CLUAP1: variants seen among roughly 807,000 people sequenced by gnomAD.
CLUAP1 encodes clusterin-associated protein 1.
Under a neutral mutation model 55.0 loss-of-function variants are expected in CLUAP1, and 50 were observed. That is an observed-to-expected ratio of 0.91 (90% CI 0.72 to 1.15). The LOEUF is 1.15. Ranked by LOEUF, CLUAP1 falls within the 50% of genes most tolerant of loss-of-function variation. The pLI, the probability that CLUAP1 is intolerant of heterozygous loss-of-function variation, is 0.00. For missense variants in CLUAP1, 530 were observed against 507.6 expected, an observed-to-expected ratio of 1.04 and a Z score of -0.42; for synonymous variants, 195 against 175.4, an observed-to-expected ratio of 1.11 and a Z score of -0.88.
At chr16:3,521,901 A>T (rs77003282) in intron 7 of CLUAP1, among the ~76,000 whole-genome samples, 4 of 151,936 alleles carry the variant, frequency 2.6e-5, no homozygotes, top group Admixed American at 2.6e-4. Context: ...CAAAAAAAAA[A>T]TATAAAAAAT....
At position 3,526,409 on chromosome 16, in the gene CLUAP1, C is replaced by T; in HGVS notation, c.856-3C>T. 4 of 1,598,010 alleles carry T rather than the reference C, an allele frequency of 2.5e-6. No individual in the cohort carries two copies. The highest frequency in any genetic ancestry group is 1.7e-4 in the Middle Eastern group (1 of 5,994). ...TCCTGAGTCTGTATTTCCTCTTCCA[C>T]AGGAAGCTAAAAACACTCTCTGCCT... is the stretch of plus-strand genomic sequence containing the variant. On this transcript the variant is annotated splice_region_variant and splice_polypyrimidine_tract_variant and intron_variant, in intron 8 of 11. Transcript: ENST00000576634.
At chr16:3,498,032 C>A (rs1436393912), upstream of CLUAP1, among the ~76,000 whole-genome samples, 3 of 152,040 alleles carry the variant, frequency 2.0e-5, no homozygotes, top group Non-Finnish European at 4.4e-5. Context: ...TGCCTGCAAG[C>A]TGGAGAACCA....
intron 10 of CLUAP1, among the ~76,000 whole-genome samples, chr16:3,531,029 A>G (rs948038845): frequency 5.3e-5 from 8 of 152,220 alleles, no homozygotes; most frequent in African/African-American, 1.9e-4. Flanking sequence ...CCTTAAAAAA[A>G]GTTCTTCTAA....
At chr16:3,510,875 A>T (rs1567426803) in intron 4 of CLUAP1, among the ~76,000 whole-genome samples, 1 of 152,184 alleles carries the variant, frequency 6.6e-6, no homozygotes, top group Non-Finnish European at 1.5e-5. Context: ...CCAGGTGGAG[A>T]TGGTGCACAG....
chr16:3,495,535 A>C, the CLUAP1 span: 1 of 1,522,142 alleles, frequency 6.6e-7, no homozygotes, highest in Non-Finnish European at 8.8e-7. Context: ...TTCTTATGAC[A>C]TCACGGGGAA....
intron 4 of CLUAP1, among the ~76,000 whole-genome samples, chr16:3,511,007 G>C (rs935154827): frequency 6.6e-6 from 1 of 152,166 alleles, no homozygotes; most frequent in Non-Finnish European, 1.5e-5. Flanking sequence ...CAGAAAAGAC[G>C]GGGGGTCCAG....
chr16:3,515,645 C>G, intron 6 of CLUAP1, 54 bp downstream of exon 6: 2 of 1,251,400 alleles, frequency 1.6e-6, no homozygotes, highest in Non-Finnish European at 1.1e-6. Context: ...TTCAAAAATA[C>G]TGATTTCTTG....
At position 3,515,544 on chromosome 16, in the gene CLUAP1, A is replaced by G; in HGVS notation, c.532A>G (p.Ile178Val). The G allele has an allele frequency of 6.2e-7, 1 of 1,602,520 alleles. No individual in the cohort carries two copies. The change falls in exon 6 of 12, where the codon ATA (isoleucine) becomes GTA (valine). Residue 178 changes from isoleucine to valine, a missense_variant. Coordinates refer to ENST00000576634, the MANE Select transcript of CLUAP1 (RefSeq NM_015041.3). ...RTEAIARPLEINETEKVMRIA... is the reference protein window; with the variant it reads ...RTEAIARPLEVNETEKVMRIA... ...AGAAGCCATTGCCAGACCTCTGGAA[A>G]TAAACGAGACTGAAAAAGTGATGAG... is the stretch of plus-strand genomic sequence containing the variant.
chr16:3,533,278 A>G lies in CLUAP1; in HGVS notation c.1092+437A>G, dbSNP rs1381274485. ...TGGGCAAAAAGGCCACTCAAAAGAG[A>G]TCCTGTGGTGACAGCGGGATCACTG... On this transcript the variant is annotated intron_variant, in intron 11 of 11. Coordinates refer to ENST00000576634, the MANE Select transcript of CLUAP1 (RefSeq NM_015041.3). 12 of 763,858 alleles carry G rather than the reference A, an allele frequency of 1.6e-5. No homozygotes were observed. In the Admixed American group the frequency reaches 2.5e-4, roughly 16 times the overall value. The allele number at this position is 763,858 out of a possible 1,614,324, so 47.3% of individuals were successfully genotyped here.
At chr16:3,512,542 T>G in intron 5 of CLUAP1, 64 bp downstream of exon 5, 1 of 1,267,328 alleles carries the variant, frequency 7.9e-7, no homozygotes. Flanking sequence ...TTTTCAATTC[T>G]GTTTCTCCCT....
chr16:3,509,754 CTGTGAGGCCTGCTA>C (rs945113652), intron 4 of CLUAP1: 1 of 152,356 alleles, frequency 6.6e-6, no homozygotes, highest in African/African-American at 2.4e-5. Flanking sequence ...AAAGCTTCCC[CTGTGAGGCCTGCTA>C]GGTGAGGCCT....
At chr16:3,536,000 A>G in intron 11 of CLUAP1, 122 bp from the exon 12 acceptor site, 1 of 1,195,218 alleles carries the variant, frequency 8.4e-7, no homozygotes, top group Non-Finnish European at 1.2e-6. Flanking sequence ...CCTGCTTGCC[A>G]CTCTGCCAGC....
intron 10 of CLUAP1, among the ~76,000 whole-genome samples, 179 bp downstream of exon 10, chr16:3,530,854 G>A (rs2038101991): frequency 6.6e-6 from 1 of 152,098 alleles, no homozygotes. Context: ...ACTGCTCAGT[G>A]GTCATGTTTG....
chr16:3,532,937 C>T (rs1329960607), intron 11 of CLUAP1, 96 bp downstream of exon 11: 14 of 1,475,906 alleles, frequency 9.5e-6, no homozygotes, highest in Middle Eastern at 1.7e-4. Flanking sequence ...GCCAGGGAGC[C>T]GTCTATGGTC....
At chr16:3,533,973 C>T (rs1394218931) in intron 11 of CLUAP1, 2 of 152,224 alleles carry the variant, frequency 1.3e-5, no homozygotes, top group African/African-American at 2.4e-5. Context: ...AGCTTTATGC[C>T]TGGTGGTCAC....
At position 3,533,223 on chromosome 16, in the gene CLUAP1, C is replaced by G. The variant is rs1259101730; in HGVS notation, c.1092+382C>G. 20 of 1,277,900 alleles carry G rather than the reference C, an allele frequency of 1.6e-5. No individual in the cohort carries two copies. The African/African-American group carries it at 2.5e-4, about 16-fold the overall frequency. The allele number at this position is 1,277,900 out of a possible 1,614,324, so 79.2% of individuals were successfully genotyped here. ...AGCCCTCCCGGGGCCAGCCAGGGGC[C>G]TCTCCCTAGGAGTGATGCTTCCTCT... On this transcript the variant is annotated intron_variant, in intron 11 of 11. Coordinates refer to ENST00000576634, the MANE Select transcript of CLUAP1 (RefSeq NM_015041.3).
chr16:3,510,667 T>A (rs1567426684), intron 4 of CLUAP1, among the ~76,000 whole-genome samples: 1 of 152,186 alleles, frequency 6.6e-6, no homozygotes, highest in Non-Finnish European at 1.5e-5. Context: ...CAAGCACAAC[T>A]GAGGAACTGA....
chr16:3,532,521 T>A (rs1441961181), intron 10 of CLUAP1, among the ~76,000 whole-genome samples: 1 of 145,204 alleles, frequency 6.9e-6, no homozygotes, highest in East Asian at 2.1e-4. Context: ...TTCAAGCGAG[T>A]CTCCTGCCTC....
intron 5 of CLUAP1, among the ~76,000 whole-genome samples, chr16:3,512,701 G>C (rs947544012): frequency 1.3e-5 from 2 of 152,002 alleles, no homozygotes; most frequent in African/African-American, 4.8e-5. Context: ...TTATTTTTGA[G>C]ACGGAGTCTC....
Sources: allele counts gnomAD v4.1 joint callset (sites outside exome capture counted in the v4.1 genomes callset), GRCh38; gene constraint gnomAD v4.1.1; transcripts MANE v1.5; gene names NCBI Gene and HGNC (gene_info 2026-07-23, HGNC 2026-07-21).